ARHGEF4: variants seen among roughly 807,000 people sequenced by gnomAD.
The protein encoded by ARHGEF4 is Rho guanine nucleotide exchange factor 4, also known as APC-stimulated guanine nucleotide exchange factor 1.
Under a neutral mutation model 162.0 loss-of-function variants are expected in ARHGEF4, and 119 were observed. The ratio of observed to expected loss-of-function variants is 0.73; its 90% CI spans 0.63 to 0.86. ARHGEF4 has a LOEUF of 0.86. Ranked by LOEUF, ARHGEF4 falls within the 40% of genes least tolerant of loss-of-function variation. ARHGEF4 has a pLI of 0.00. For missense variants in ARHGEF4, 2,488 were observed against 2,456.0 expected (o/e 1.01, Z -0.28); for synonymous variants, 1,014 against 979.9 (o/e 1.03, Z -0.65).
intron 1 of ARHGEF4, among the ~76,000 whole-genome samples, chr2:130,840,596 C>T (rs1558993418): frequency 6.6e-6 from 1 of 152,184 alleles, no homozygotes; most frequent in South Asian, 2.1e-4. Context: ...AAGTTCCTGC[C>T]ACGTACTGGC....
chr2:131,044,463 C>G lies in ARHGEF4; in HGVS notation c.5322C>G (p.Thr1774=). 1 of 1,555,458 alleles carries G rather than the reference C, an allele frequency of 6.4e-7. No individual in the cohort carries two copies. The highest frequency in any genetic ancestry group is 1.9e-5 in the Admixed American group (1 of 51,634). The change falls in exon 12 of 14, where the codon ACC becomes ACG. Residue 1774 remains threonine, a synonymous_variant. Transcript: ENST00000409359. ...GATGDSHLLC[T]RKPEQKQRWL... The stretch of plus-strand genomic sequence containing the variant: ...CAGGGGACAGCCACCTGCTGTGCAC[C>G]AGGAAGCCCGAGCAGAAGCAGCGCT...
At chr2:130,870,366 G>C (rs777696398) in intron 1 of ARHGEF4, among the ~76,000 whole-genome samples, 4 of 152,206 alleles carry the variant, frequency 2.6e-5, no homozygotes, top group Non-Finnish European at 5.9e-5. Context: ...GGAAAAGCAG[G>C]AATGGGCATG....
At chr2:131,032,879 G>A (rs1573670230) in intron 5 of ARHGEF4, among the ~76,000 whole-genome samples, 2 of 138,470 alleles carry the variant, frequency 1.4e-5, no homozygotes, top group South Asian at 4.5e-4. Flanking sequence ...TTGAGACGGG[G>A]TCTCACTCTG....
In ARHGEF4 at chr2:130,916,878, G is replaced by A. The variant is rs1559038482; in HGVS notation, c.2932G>A (p.Val978Ile). The A allele has an allele frequency of 1.3e-6, 2 of 1,550,486 alleles. 1 individual carries two copies. Among genetic ancestry groups the A allele is most frequent in the Admixed American group, 3.9e-5 (2 of 50,994 alleles). Reference sequence around the variant, plus strand: ...AGTGAGTCTGCCTCTAGGACCCGAAGTTCTCTCCCCAGCAGAGACCGACAG... The same window carrying A: ...AGTGAGTCTGCCTCTAGGACCCGAAATTCTCTCCCCAGCAGAGACCGACAG... ...TLVSLPLGPE[V>I]LSPAETDSHC... The change falls in exon 2 of 14, where the codon GTT (valine) becomes ATT (isoleucine). Residue 978 changes from valine (V) to isoleucine (I), a missense_variant. This residue lies in a region of ARHGEF4 where 1,642 missense variants were observed against 1,481.5 expected (regional missense o/e 1.11). Coordinates refer to ENST00000409359, the MANE Select transcript of ARHGEF4 (RefSeq NM_001367493.1).
intron 4 of ARHGEF4, among the ~76,000 whole-genome samples, chr2:130,989,970 G>C (rs1655494760): frequency 6.6e-6 from 1 of 152,212 alleles, no homozygotes; most frequent in Admixed American, 6.5e-5. Flanking sequence ...TCTTTCTCCA[G>C]CTTCCGCTAA....
chr2:130,898,354 G>C (rs558442332), intron 1 of ARHGEF4, among the ~76,000 whole-genome samples: 1 of 152,228 alleles, frequency 6.6e-6, no homozygotes, highest in Non-Finnish European at 1.5e-5. Flanking sequence ...TCCACAGGGA[G>C]TATCAGGGTA....
chr2:130,868,273 T>C (rs371238937), intron 1 of ARHGEF4, among the ~76,000 whole-genome samples: 1 of 152,114 alleles, frequency 6.6e-6, no homozygotes, highest in East Asian at 1.9e-4. Flanking sequence ...TGGAGTCTCC[T>C]GGACGTCTTT....
intron 12 of ARHGEF4, 126 bp from the exon 13 acceptor site, chr2:131,045,243 G>T (rs140540116): frequency 1.1e-5 from 10 of 893,158 alleles, no homozygotes; most frequent in Admixed American, 2.4e-5. Flanking sequence ...AACAGTCCCC[G>T]CTGTGGCCAG....
chr2:130,980,698 A>G (rs1686063772), intron 4 of ARHGEF4, among the ~76,000 whole-genome samples: 1 of 152,234 alleles, frequency 6.6e-6, no homozygotes. Flanking sequence ...CAGCATGTGC[A>G]CATAATTTGT....
chr2:130,898,325 G>A (rs1468669677), intron 1 of ARHGEF4, among the ~76,000 whole-genome samples: 1 of 152,214 alleles, frequency 6.6e-6, no homozygotes, highest in Non-Finnish European at 1.5e-5. Context: ...AGGCCTGGTG[G>A]TGAAGAAGCG....
chr2:131,035,725 GTCTTCCCACGGGCAGAGCCCC>G, intron 5 of ARHGEF4: 1 of 985,548 alleles, frequency 1.0e-6, no homozygotes, highest in Non-Finnish European at 1.2e-6. Flanking sequence ...CGTGGTGTCA[GTCTTCCCACGGGCAGAGCCCC>G]TCTGCCCCCC....
chr2:131,025,269 G>A (rs949241148), intron 4 of ARHGEF4, among the ~76,000 whole-genome samples: 5 of 152,144 alleles, frequency 3.3e-5, no homozygotes, highest in Non-Finnish European at 5.9e-5. Context: ...ACTTTTAAAC[G>A]ATCAGATCTC....
At chr2:131,003,887 T>C (rs933171829) in intron 4 of ARHGEF4, among the ~76,000 whole-genome samples, 4 of 152,058 alleles carry the variant, frequency 2.6e-5, no homozygotes, top group African/African-American at 9.7e-5. Context: ...AACTGGGTAA[T>C]AACGACCTGG....
rs1681377650 is a variant in ARHGEF4 at position 130,914,601 on chromosome 2, G to A, written c.655G>A (p.Glu219Lys). ...TGTTTCTCTTCAGAAATCCAGGTCTGAGAGCTATCTGGGCATCCCAGTGGT... is the reference window on the plus strand; with the variant it reads ...TGTTTCTCTTCAGAAATCCAGGTCTAAGAGCTATCTGGGCATCCCAGTGGT... ...SSVSLQKSRS[E>K]SYLGIPVVWP... The change falls in exon 2 of 14, where the codon GAG becomes AAG. Residue 219 changes from glutamate (E) to lysine (K), a missense_variant. Transcript: ENST00000409359. 1 of 1,393,090 alleles carries A rather than the reference G, an allele frequency of 7.2e-7. No homozygotes were observed. Among genetic ancestry groups the A allele is most frequent in the African/African-American group, 1.4e-5 (1 of 69,054 alleles). 86.3% of individuals were successfully genotyped at this position (1,393,090 alleles called of 1,614,324 possible). A position where few individuals can be genotyped will look rare whatever the true frequency, so the allele number is the denominator to read the frequency against.
At chr2:130,942,011 C>T (rs1399904133) in intron 3 of ARHGEF4, among the ~76,000 whole-genome samples, 1 of 151,932 alleles carries the variant, frequency 6.6e-6, no homozygotes, top group Admixed American at 6.6e-5. Flanking sequence ...GGATTCCAAG[C>T]CTAAGATTCT....
intron 4 of ARHGEF4, among the ~76,000 whole-genome samples, chr2:130,980,506 T>C (rs1686050720): frequency 6.6e-6 from 1 of 152,228 alleles, no homozygotes; most frequent in Non-Finnish European, 1.5e-5. Context: ...AAATTTAGTA[T>C]GAGAAGTAAT....
At chr2:131,039,821 G>A (rs1375730930) in intron 6 of ARHGEF4, 195 bp from the exon 7 acceptor site, 18 of 1,410,112 alleles carry the variant, frequency 1.3e-5, no homozygotes, top group Non-Finnish European at 1.6e-5. Context: ...GGCGGCTGCG[G>A]GCGTCGGAGT....
chr2:130,898,526 A>C (rs1680298747), intron 1 of ARHGEF4, among the ~76,000 whole-genome samples: 1 of 152,194 alleles, frequency 6.6e-6, no homozygotes, highest in African/African-American at 2.4e-5. Flanking sequence ...AAAGGAGTAC[A>C]TCATAGTGGA....
At chr2:131,022,548 C>T (rs985178644) in intron 4 of ARHGEF4, among the ~76,000 whole-genome samples, 1 of 151,398 alleles carries the variant, frequency 6.6e-6, no homozygotes, top group East Asian at 1.9e-4. Flanking sequence ...GGTACAAAAG[C>T]AATTCGGTGG....
Sources: gnomAD v4.1 joint callset for allele counts (sites outside exome capture counted in the v4.1 genomes callset) on GRCh38, gnomAD v4.1.1 for gene constraint, gnomAD v4.1.1 regional missense constraint, MANE v1.5 for transcripts, NCBI Gene and HGNC (gene_info 2026-07-23, HGNC 2026-07-21) for gene names.